The following DOK6 variants were observed in gnomAD, a reference collection of about 807,000 sequenced individuals.
The protein encoded by DOK6 is downstream of tyrosine kinase 6.
Under a neutral mutation model 44.0 loss-of-function variants are expected in DOK6, and 22 were observed. The ratio of observed to expected loss-of-function variants is 0.50; its 90% CI spans 0.36 to 0.71. The LOEUF (loss-of-function observed/expected upper bound fraction) is 0.71, where lower values mean the gene tolerates loss of function less well. DOK6 is among the 30% of genes least tolerant of loss of function. DOK6 has a pLI of 0.00. For missense variants in DOK6, 340 were observed against 416.4 expected (o/e 0.82, Z 1.60); for synonymous variants, 166 against 145.5 (o/e 1.14, Z -1.01).
At chr18:69,816,316 A>G (rs923279697) in intron 7 of DOK6, among the ~76,000 whole-genome samples, 2 of 152,168 alleles carry the variant, frequency 1.3e-5, no homozygotes, top group African/African-American at 4.8e-5. Context: ...TTCTCTGCCA[A>G]TAGACTTTAC....
intron 7 of DOK6, among the ~76,000 whole-genome samples, chr18:69,816,126 T>A (rs1981391498): frequency 6.6e-6 from 1 of 152,144 alleles, no homozygotes; most frequent in Non-Finnish European, 1.5e-5. Flanking sequence ...TGTAGTGATA[T>A]TTTCAAAACA....
chr18:69,779,421 G>A (rs565739129), intron 7 of DOK6, among the ~76,000 whole-genome samples: 4 of 150,140 alleles, frequency 2.7e-5, no homozygotes, highest in South Asian at 2.1e-4. Context: ...TGAGCATAGT[G>A]CCCTACACAG....
At chr18:69,498,565 T>A (rs145221130) in intron 1 of DOK6, among the ~76,000 whole-genome samples, 282 of 152,326 alleles carry the variant, frequency 1.9e-3, no homozygotes, top group African/African-American at 6.2e-3. Context: ...GACAGTGGCT[T>A]ATTGAAAATA....
rs184933111 is a variant in DOK6 at position 69,503,402 on chromosome 18, G to A, written c.67-61085G>A. On this transcript the variant is annotated intron_variant, in intron 1 of 7. Transcript: ENST00000382713. Reference sequence around the variant, plus strand: ...GAGAGTTCACTGCTACTGTGAAAGTGTAAATCTACCTGAAAGAGATTGAGG... The same window carrying A: ...GAGAGTTCACTGCTACTGTGAAAGTATAAATCTACCTGAAAGAGATTGAGG... 2.8e-4 allele frequency among the ~76,000 whole-genome samples: 43 copies of A among 152,162 alleles called. 1 individual carries two copies. Among genetic ancestry groups the A allele is most frequent in the Admixed American group, 2.5e-3 (38 of 15,284 alleles).
intron 3 of DOK6, among the ~76,000 whole-genome samples, chr18:69,610,233 G>A (rs1021865685): frequency 1.1e-4 from 16 of 152,084 alleles, no homozygotes; most frequent in Middle Eastern, 3.2e-3. Context: ...TGAAAATGTA[G>A]GTAAAAGTAT....
chr18:69,663,910 T>G (rs1033800489), intron 3 of DOK6, among the ~76,000 whole-genome samples: 3 of 152,220 alleles, frequency 2.0e-5, no homozygotes, highest in African/African-American at 7.2e-5. Context: ...CATTCAACAA[T>G]ATTATAAAGT....
Position 69,757,785 on chromosome 18 carries a change from A to G in DOK6, c.768A>G (p.Thr256=), listed in dbSNP as rs1484367734. Residue 256 remains threonine (T), a synonymous_variant, in exon 7 of 8, where the codon ACA becomes ACG. Transcript: ENST00000382713. ...AGACAAGCTTGACTGAACCAATGACATTATCCAAATCAATATCTCTTCCTC... is the reference window on the plus strand; with the variant it reads ...AGACAAGCTTGACTGAACCAATGACGTTATCCAAATCAATATCTCTTCCTC... ...RLQTSLTEPM[T]LSKSISLPRS... The G allele has an allele frequency of 6.2e-7, 1 of 1,614,132 alleles. No homozygotes were observed. The highest frequency in any genetic ancestry group is 8.5e-7 in the Non-Finnish European group (1 of 1,179,982).
intron 1 of DOK6, among the ~76,000 whole-genome samples, chr18:69,545,215 T>C (rs17081221): frequency 0.048 from 7,258 of 150,814 alleles, 586 homozygotes; most frequent in African/African-American, 0.16. Flanking sequence ...ATCATTTCAG[T>C]TTTGAGCTCT....
intron 1 of DOK6, among the ~76,000 whole-genome samples, chr18:69,549,645 C>T (rs1310515632): frequency 6.6e-6 from 1 of 151,456 alleles, no homozygotes; most frequent in Non-Finnish European, 1.5e-5. Flanking sequence ...CAGTTTGTAT[C>T]TCAACTCATC....
chr18:69,820,878 C>CACTGGG (rs1471513678), intron 7 of DOK6, among the ~76,000 whole-genome samples: 1 of 151,938 alleles, frequency 6.6e-6, no homozygotes, highest in African/African-American at 2.4e-5. Flanking sequence ...GAACAACAGA[C>CACTGGG]ACTGGGACCT....
chr18:69,552,138 CTG>C (rs1982581316), intron 1 of DOK6, among the ~76,000 whole-genome samples: 1 of 152,134 alleles, frequency 6.6e-6, no homozygotes, highest in African/African-American at 2.4e-5. Context: ...GGAAAGGACA[CTG>C]TTTCTACACT....
chr18:69,575,709 G>A (rs186627508), intron 2 of DOK6, among the ~76,000 whole-genome samples: 1 of 152,222 alleles, frequency 6.6e-6, no homozygotes, highest in Admixed American at 6.5e-5. Context: ...TCAATACTAT[G>A]TAACTATACT....
chr18:69,569,697 A>G (rs1272723679), intron 2 of DOK6, among the ~76,000 whole-genome samples: 1 of 152,222 alleles, frequency 6.6e-6, no homozygotes, highest in African/African-American at 2.4e-5. Flanking sequence ...TTTTGGCAGA[A>G]AAACAAAAAT....
chr18:69,693,925 G>A (rs998293021), intron 4 of DOK6, among the ~76,000 whole-genome samples: 6 of 151,710 alleles, frequency 4.0e-5, no homozygotes, highest in Non-Finnish European at 5.9e-5. Context: ...CGGGCGTGGT[G>A]GCGGGCGCCT....
intron 1 of DOK6, among the ~76,000 whole-genome samples, chr18:69,455,156 C>CAAAAAAAAAAAAAAAAAAGA (rs1979595030): frequency 8.5e-6 from 1 of 117,448 alleles, no homozygotes; most frequent in Non-Finnish European, 1.8e-5. Flanking sequence ...ATAGCTATAG[C>CAAAAAAAAAAAAAAAAAAGA]AAAAAAAAAA....
Position 69,573,747 on chromosome 18 carries a change from C to T in DOK6, c.174+9153C>T, listed in dbSNP as rs141034956. On this transcript the variant is annotated intron_variant, in intron 2 of 7. Coordinates refer to ENST00000382713, the MANE Select transcript of DOK6 (RefSeq NM_152721.6). Reference sequence around the variant, plus strand: ...TCAACCTTACTATGTCTCTTCTTTCCACTGTCTTAACTAGTTCAATGATTC... The same window carrying T: ...TCAACCTTACTATGTCTCTTCTTTCTACTGTCTTAACTAGTTCAATGATTC... 2.5e-3 allele frequency among the ~76,000 whole-genome samples: 375 copies of T among 151,920 alleles called. 1 individual carries two copies. Among genetic ancestry groups the T allele is most frequent in the African/African-American group, 8.8e-3 (364 of 41,488 alleles).
chr18:69,598,244 TATA>T (rs746473790), intron 2 of DOK6, among the ~76,000 whole-genome samples: 2 of 151,512 alleles, frequency 1.3e-5, no homozygotes, highest in Non-Finnish European at 2.9e-5. Context: ...ATTTGTATTA[TATA>T]TTAGATTATA....
chr18:69,726,498 G>C (rs1377806975), intron 5 of DOK6, among the ~76,000 whole-genome samples: 2 of 152,096 alleles, frequency 1.3e-5, no homozygotes, highest in Non-Finnish European at 2.9e-5. Context: ...CAGCAGAAAG[G>C]AGCCCAGTGC....
chr18:69,486,614 C>T (rs923283158), intron 1 of DOK6, among the ~76,000 whole-genome samples: 20 of 152,284 alleles, frequency 1.3e-4, no homozygotes, highest in African/African-American at 4.6e-4. Context: ...GCTGAACCCA[C>T]ATTTTGTTGA....
Sources: gnomAD v4.1 joint callset for allele counts (sites outside exome capture counted in the v4.1 genomes callset) on GRCh38, gnomAD v4.1.1 for gene constraint, MANE v1.5 for transcripts, NCBI Gene and HGNC (gene_info 2026-07-23, HGNC 2026-07-21) for gene names.